The following CEP85L variants were observed in gnomAD, a reference collection of about 807,000 sequenced individuals.
CEP85L encodes centrosomal protein of 85 kDa-like.
In CEP85L, 60 loss-of-function variants were observed where a neutral mutation model predicts 100.3. That is an observed-to-expected ratio of 0.60 (90% confidence interval 0.49 to 0.74). The LOEUF (loss-of-function observed/expected upper bound fraction) is 0.74, where lower values mean the gene tolerates loss of function less well. Ranked by LOEUF, CEP85L falls within the 30% of genes least tolerant of loss-of-function variation. CEP85L has a pLI of 0.00. For synonymous variants in CEP85L, 319 were observed against 322.7 expected (o/e 0.99, Z 0.12); for missense variants, 973 against 936.2 (o/e 1.04, Z -0.51).
At chr6:118,645,981 G>A (rs1775159413) in intron 1 of CEP85L, among the ~76,000 whole-genome samples, 1 of 152,176 alleles carries the variant, frequency 6.6e-6, no homozygotes, top group Admixed American at 6.5e-5. Context: ...CACTTTGGGA[G>A]GCCGAGGCTG....
At chr6:118,470,772 T>C (rs899624899) in intron 10 of CEP85L, 128 bp from the exon 11 acceptor site, 38 of 477,330 alleles carry the variant, frequency 8.0e-5, no homozygotes, top group South Asian at 2.6e-4. Context: ...CCTTGGAAGA[T>C]GAAGCCTTCA....
chr6:118,626,965 C>A (rs1773836936), intron 2 of CEP85L, among the ~76,000 whole-genome samples: 1 of 151,972 alleles, frequency 6.6e-6, no homozygotes, highest in Non-Finnish European at 1.5e-5. Flanking sequence ...TTTGAGAGGC[C>A]AAGGTGGGTG....
intron 10 of CEP85L, among the ~76,000 whole-genome samples, chr6:118,478,246 C>G (rs371165200): frequency 1.3e-5 from 2 of 152,092 alleles, no homozygotes; most frequent in South Asian, 2.1e-4. Flanking sequence ...TATAGATATG[C>G]CTTTTAGAAA....
chr6:118,630,261 C>T (rs1034974803), intron 2 of CEP85L, among the ~76,000 whole-genome samples: 3 of 152,190 alleles, frequency 2.0e-5, no homozygotes, highest in African/African-American at 7.2e-5. Flanking sequence ...CCTAGCCAAT[C>T]ATCAGCATAA....
chr6:118,682,787 A>G (rs1269677672), intron 1 of CEP85L, among the ~76,000 whole-genome samples: 1 of 151,372 alleles, frequency 6.6e-6, no homozygotes, highest in Admixed American at 6.6e-5. Flanking sequence ...ACACACACAC[A>G]CACACACACA....
chr6:118,511,613 A>C (rs1775975465), intron 4 of CEP85L, among the ~76,000 whole-genome samples, 198 bp from the exon 5 acceptor site: 1 of 152,218 alleles, frequency 6.6e-6, no homozygotes, highest in South Asian at 2.1e-4. Flanking sequence ...TAGAAATTTT[A>C]AAACTGTTTT....
intron 4 of CEP85L, among the ~76,000 whole-genome samples, chr6:118,512,205 T>A (rs1208198229): frequency 6.6e-6 from 1 of 152,074 alleles, no homozygotes; most frequent in Non-Finnish European, 1.5e-5. Flanking sequence ...AGCACAGGAA[T>A]GGTGGTCTCC....
At chr6:118,678,335 G>C (rs981783803) in intron 1 of CEP85L, among the ~76,000 whole-genome samples, 3 of 152,164 alleles carry the variant, frequency 2.0e-5, no homozygotes, top group Non-Finnish European at 4.4e-5. Context: ...AGATGTCTTT[G>C]GAAGGAAGAA....
intron 3 of CEP85L, among the ~76,000 whole-genome samples, chr6:118,539,607 T>C (rs944524378): frequency 6.6e-6 from 1 of 152,280 alleles, no homozygotes; most frequent in Admixed American, 6.5e-5. Flanking sequence ...TTAAATTTTA[T>C]TTTAAGTTCC....
chr6:118,529,608 CAAAAAAAAAAA>C (rs55732442), intron 3 of CEP85L, among the ~76,000 whole-genome samples: 16 of 92,530 alleles, frequency 1.7e-4, no homozygotes, highest in South Asian at 3.9e-4. Flanking sequence ...ACTCTGTCTC[CAAAAAAAAAAA>C]AAAAAAAAAA....
intron 4 of CEP85L, among the ~76,000 whole-genome samples, chr6:118,512,213 T>TCC (rs1776011551): frequency 6.6e-6 from 1 of 152,126 alleles, no homozygotes; most frequent in Admixed American, 6.5e-5. Flanking sequence ...AATGGTGGTC[T>TCC]CCCTGAATTG....
intron 2 of CEP85L, among the ~76,000 whole-genome samples, chr6:118,587,708 T>C (rs1008630110): frequency 9.2e-5 from 14 of 152,182 alleles, no homozygotes; most frequent in African/African-American, 3.4e-4. Context: ...CTGACACCCC[T>C]TGCCACAAGA....
At chr6:118,620,650 A>C (rs1466592141) in intron 2 of CEP85L, among the ~76,000 whole-genome samples, 2 of 152,204 alleles carry the variant, frequency 1.3e-5, no homozygotes, top group Admixed American at 6.5e-5. Context: ...GCGCCAGCTC[A>C]TATCACCCTC....
chr6:118,677,176 TA>T, intron 1 of CEP85L, among the ~76,000 whole-genome samples: 1 of 151,958 alleles, frequency 6.6e-6, no homozygotes, highest in East Asian at 1.9e-4. Flanking sequence ...CTCATCTGCT[TA>T]AAAAAAATGA....
intron 5 of CEP85L, among the ~76,000 whole-genome samples, chr6:118,507,310 A>T (rs1434315478): frequency 6.6e-6 from 1 of 152,210 alleles, no homozygotes; most frequent in Non-Finnish European, 1.5e-5. Context: ...CAGATGTTTA[A>T]TCAACAGTCT....
At chr6:118,473,297 T>G (rs1468935498) in intron 10 of CEP85L, among the ~76,000 whole-genome samples, 3 of 152,022 alleles carry the variant, frequency 2.0e-5, no homozygotes, top group Admixed American at 6.5e-5. Flanking sequence ...ACTAGTGCTG[T>G]GGAGAACAGA....
intron 2 of CEP85L, among the ~76,000 whole-genome samples, chr6:118,623,040 G>A (rs1773554906): frequency 6.6e-6 from 1 of 152,202 alleles, no homozygotes. Flanking sequence ...AGGGAAAGGT[G>A]CTCATACCTG....
rs779986928 is a variant in CEP85L, at chr6:118,481,843, C to A, written c.1681G>T (p.Asp561Tyr). The stretch of plus-strand genomic sequence containing the variant: ...TGGCATATTAACTGTGTCTCTTTAT[C>A]TTGACACTGCTTTTTGATCTCTTCA... ...KLEEIKKQCQ[D>Y]KETQLICQKK... The change falls in exon 8 of 13, where the codon GAT (aspartate) becomes TAT (tyrosine). Residue 561 changes from aspartate to tyrosine, a missense_variant. Asp to Tyr is a radical substitution (Grantham distance 160, BLOSUM62 -3). Around this residue, in one of 3 missense-constraint regions of CEP85L, gnomAD observed 890 missense variants for 844.5 expected, o/e 1.05. Transcript: ENST00000368491. 35 of 1,596,300 alleles carry A rather than the reference C, an allele frequency of 2.2e-5. No homozygotes were observed. Among genetic ancestry groups the A allele is most frequent in the Middle Eastern group, 3.3e-4 (2 of 5,994 alleles).
intron 1 of CEP85L, among the ~76,000 whole-genome samples, chr6:118,661,288 T>C (rs1775965468): frequency 6.6e-6 from 1 of 152,218 alleles, no homozygotes; most frequent in South Asian, 2.1e-4. Flanking sequence ...TTCAAACTTG[T>C]ATAAACAAAA....
Sources: gnomAD v4.1 joint callset for allele counts (sites outside exome capture counted in the v4.1 genomes callset) on GRCh38, gnomAD v4.1.1 for gene constraint, gnomAD v4.1.1 regional missense constraint, MANE v1.5 for transcripts, NCBI Gene and HGNC (gene_info 2026-07-23, HGNC 2026-07-21) for gene names.